Variants in SH2D6 observed in about 807,000 individuals in gnomAD.
The protein encoded by SH2D6 is SH2 domain containing 6, also known as SH2 domain-containing protein 6.
SH2D6 carries 31 observed loss-of-function variants against 30.2 expected under a neutral mutation model. The ratio of observed to expected loss-of-function variants is 1.03; its 90% CI spans 0.77 to 1.38. The LOEUF is 1.38. SH2D6 is among the 40% of genes most tolerant of loss of function. The probability of loss-of-function intolerance (pLI) is 0.00; values close to 1 mark genes in which losing one functional copy is unlikely to be tolerated. For synonymous variants in SH2D6, 93 were observed against 104.6 expected, an observed-to-expected ratio of 0.89 and a Z score of 0.68; for missense variants, 240 against 266.8, an observed-to-expected ratio of 0.90 and a Z score of 0.70.
chr2:85,436,668 A>G (rs973819104), intron 23 of SH2D6, 74 bp downstream of exon 23: 1 of 1,015,904 alleles, frequency 9.8e-7, no homozygotes. Flanking sequence ...CTCCTTCCCC[A>G]CCCCTCCTCA....
chr2:85,423,270 C>T (rs1233539992), intron 5 of SH2D6, among the ~76,000 whole-genome samples: 3 of 152,082 alleles, frequency 2.0e-5, no homozygotes, highest in African/African-American at 7.2e-5. Context: ...CTCACTCTGT[C>T]GCCCAGGCTG....
chr2:85,435,904 G>GA, intron 22 of SH2D6, 80 bp downstream of exon 22: 2 of 1,431,740 alleles, frequency 1.4e-6, no homozygotes, highest in African/African-American at 1.4e-5. Context: ...TTTGCCTAGG[G>GA]AAAAATCTTC....
rs575101856 is a variant in SH2D6, at chr2:85,433,498, C to G, written c.394-73C>G. ...CCCCTTCAAATCGATGGCTCCTCCC[C>G]CAAAACCCCAGTCCTAAATGGAGCC... On this transcript the variant is annotated intron_variant, in intron 15 of 23. Transcript: ENST00000469800. The G allele has an allele frequency of 1.1e-5, 9 of 851,522 alleles. No homozygotes were observed. In the East Asian group the frequency reaches 1.1e-3, roughly 104 times the overall value. 52.7% of individuals were successfully genotyped at this position (851,522 alleles called of 1,614,324 possible). A position where few individuals can be genotyped will look rare whatever the true frequency, so the allele number is the denominator to read the frequency against.
intron 19 of SH2D6, chr2:85,434,855 C>G: frequency 3.3e-6 from 5 of 1,506,504 alleles, no homozygotes; most frequent in Non-Finnish European, 4.4e-6. Flanking sequence ...AAGATCACGC[C>G]TCATTTGGAG....
At chr2:85,435,621 A>C (rs1162701019) in intron 21 of SH2D6, 45 bp from the exon 22 acceptor site, 1 of 1,578,780 alleles carries the variant, frequency 6.3e-7, no homozygotes, top group African/African-American at 1.3e-5. Flanking sequence ...GGGCAGTGGG[A>C]GGGCCATTGG....
intron 22 of SH2D6, 89 bp downstream of exon 22, chr2:85,435,913 T>A (rs1288315141): frequency 7.1e-7 from 1 of 1,418,172 alleles, no homozygotes; most frequent in Non-Finnish European, 9.3e-7. Context: ...GGAAAAATCT[T>A]CATTTTGTAT....
At position 85,433,909 on chromosome 2, in the gene SH2D6, A is replaced by G. The variant is rs1248979528; in HGVS notation, c.455-124A>G. The G allele has an allele frequency of 8.7e-5, 77 of 880,518 alleles. No homozygotes were observed. In the East Asian group the frequency reaches 1.8e-3, roughly 21 times the overall value. The allele number at this position is 880,518 out of a possible 1,614,324, so 54.5% of individuals were successfully genotyped here. ...ACAGCATCTGCCTCTGGTTGGAAGC[A>G]CTCCCAGAAAGTCCAGGCTGCAGAG... On this transcript the variant is annotated intron_variant, in intron 16 of 23. Transcript: ENST00000469800.
Position 85,434,111 on chromosome 2 carries a change from G to T in SH2D6, c.533G>T (p.Arg178Met). ...CTGCCCAGGACATCAGTGGTGCCCA[G>T]GTAAGTGCCCCACCAGGTGTGCACC... ...GPLPRTSVVPRPTTAPQETRN... is the reference protein window; with the variant it reads ...GPLPRTSVVPMPTTAPQETRN... The change falls in exon 17 of 24, where the codon AGG becomes ATG. Residue 178 changes from arginine to methionine, a missense_variant and splice_region_variant. By Grantham distance (91) the Arg-to-Met change is moderately conservative. Transcript: ENST00000469800. 6.4e-7 allele frequency: 1 copy of T among 1,550,458 alleles called. No individual in the cohort carries two copies.
chr2:85,433,667 C>T (rs1689036367), intron 16 of SH2D6, 36 bp downstream of exon 16: 3 of 1,050,664 alleles, frequency 2.9e-6, no homozygotes, highest in Non-Finnish European at 1.2e-6. Flanking sequence ...CCCTCCTGCC[C>T]GAGGCCCTCA....
intron 14 of SH2D6, among the ~76,000 whole-genome samples, chr2:85,432,652 G>A (rs1420664184): frequency 6.6e-6 from 1 of 151,920 alleles, no homozygotes; most frequent in Non-Finnish European, 1.5e-5. Context: ...CGCCTGCCTC[G>A]GCCTCCCAAA....
chr2:85,433,699 T>C, intron 16 of SH2D6, 68 bp downstream of exon 16: 1 of 1,048,568 alleles, frequency 9.5e-7, no homozygotes, highest in Non-Finnish European at 1.2e-6. Context: ...CACAACACAC[T>C]CTCCTGGCTC....
chr2:85,433,481 A>G, intron 15 of SH2D6, 90 bp from the exon 16 acceptor site: 1 of 659,130 alleles, frequency 1.5e-6, no homozygotes, highest in Non-Finnish European at 1.9e-6. Context: ...CACCCCTTCA[A>G]ATCGATGGCT....
intron 6 of SH2D6, among the ~76,000 whole-genome samples, chr2:85,426,599 G>T (rs975985768): frequency 1.3e-5 from 2 of 152,210 alleles, no homozygotes; most frequent in African/African-American, 4.8e-5. Flanking sequence ...ACCATGTGAG[G>T]CTCCTAGAGT....
chr2:85,426,800 C>T (rs1036131704), intron 6 of SH2D6, among the ~76,000 whole-genome samples: 1 of 152,244 alleles, frequency 6.6e-6, no homozygotes, highest in Non-Finnish European at 1.5e-5. Context: ...TGTGGGAACC[C>T]CAGCTTGAAG....
At position 85,428,285 on chromosome 2, in the gene SH2D6, A is replaced by G. The variant is rs958547765; in HGVS notation, c.-208-299A>G. 4.6e-5 allele frequency among the ~76,000 whole-genome samples: 7 copies of G among 152,298 alleles called. No individual in the cohort carries two copies. In the East Asian group the frequency reaches 1.3e-3, roughly 29 times the overall value. ...AATCCTGGTGAGGTACAGGTTGCTT[A>G]GCCTTTAGGGCACAGGCTCTGGGGC... On this transcript the variant is annotated intron_variant, in intron 6 of 23. Transcript: ENST00000469800.
In SH2D6 at chr2:85,418,827, G is replaced by T. The variant is rs116761930; in HGVS notation, c.-896G>T. 8,686 of 152,356 alleles carry T rather than the reference G, an allele frequency of 0.057. 376 individuals carry two copies. Among genetic ancestry groups the T allele is most frequent in the Non-Finnish European group, 0.084 (5,688 of 68,078 alleles). The allele number at this position is 152,356 out of a possible 1,614,324, so 9.4% of individuals were successfully genotyped here. A position where few individuals can be genotyped will look rare whatever the true frequency, so the allele number is the denominator to read the frequency against. Reference sequence around the variant, plus strand: ...GGGGAAGAGATGGCCTTCTCTCCTCGCAAACCCAGCTCCCCACCCCTGCAC... The same window carrying T: ...GGGGAAGAGATGGCCTTCTCTCCTCTCAAACCCAGCTCCCCACCCCTGCAC... On this transcript the variant is annotated 5_prime_UTR_variant, in exon 1 of 24. Coordinates refer to ENST00000469800, the MANE Select transcript of SH2D6 (RefSeq NM_001394463.1).
At chr2:85,419,865 T>C (rs76221081) in intron 2 of SH2D6, among the ~76,000 whole-genome samples, 9,350 of 152,290 alleles carry the variant, frequency 0.061, 405 homozygotes, top group Middle Eastern at 0.085. Flanking sequence ...GCCCAGATTC[T>C]CTTGATAGCA....
intron 22 of SH2D6, 103 bp downstream of exon 22, chr2:85,435,927 T>C (rs1223913478): frequency 2.1e-5 from 30 of 1,396,386 alleles, no homozygotes; most frequent in Non-Finnish European, 2.7e-5. Flanking sequence ...TTTGTATCTT[T>C]CTGGGGTGGG....
intron 2 of SH2D6, among the ~76,000 whole-genome samples, chr2:85,421,204 CG>C (rs980723164): frequency 1.3e-5 from 2 of 152,120 alleles, no homozygotes; most frequent in African/African-American, 4.8e-5. Context: ...AGACGCCGGC[CG>C]CTCCCGCTAA....
Sources: gnomAD v4.1 joint callset for allele counts (sites outside exome capture counted in the v4.1 genomes callset) on GRCh38, gnomAD v4.1.1 for gene constraint, MANE v1.5 for transcripts, NCBI Gene and HGNC (gene_info 2026-07-23, HGNC 2026-07-21) for gene names.